Variants in ENTPD1 observed in about 807,000 individuals in gnomAD.
The protein encoded by ENTPD1 is ectonucleoside triphosphate diphosphohydrolase 1.
ENTPD1 carries 33 observed loss-of-function variants against 57.0 expected under a neutral mutation model. The ratio of observed to expected loss-of-function variants is 0.58; its 90% confidence interval spans 0.44 to 0.77. The LOEUF (loss-of-function observed/expected upper bound fraction) is 0.77, where lower values mean the gene tolerates loss of function less well. ENTPD1 is among the 30% of genes least tolerant of loss of function. The pLI is 0.00. For missense variants in ENTPD1, 501 were observed against 603.4 expected (o/e 0.83, Z 1.78); for synonymous variants, 202 against 218.8 (o/e 0.92, Z 0.68).
At chr10:95,805,732 T>C (rs2098269370) in intron 1 of ENTPD1, among the ~76,000 whole-genome samples, 1 of 152,234 alleles carries the variant, frequency 6.6e-6, no homozygotes, top group South Asian at 2.1e-4. Context: ...AAGGATTTTA[T>C]TTCTCCTTCA....
chr10:95,847,536 A>G lies in ENTPD1; in HGVS notation c.904A>G (p.Thr302Ala). Reference protein sequence around the residue: ...NVSDLYKTPCTKRFEMTLPFQ... With the variant: ...NVSDLYKTPCAKRFEMTLPFQ... ...AAGTGACCTTTACAAGACCCCCTGC[A>G]CCAAGAGATTTGAGATGACTCTTCC... The change falls in exon 7 of 10, where the codon ACC becomes GCC. Residue 302 changes from threonine to alanine, a missense_variant. Transcript: ENST00000371205. The G allele has an allele frequency of 6.2e-7, 1 of 1,614,220 alleles. No individual in the cohort carries two copies. The highest frequency in any genetic ancestry group is 1.1e-5 in the South Asian group (1 of 91,076).
intron 1 of ENTPD1, among the ~76,000 whole-genome samples, chr10:95,788,983 T>C (rs1466016676): frequency 6.6e-6 from 1 of 152,110 alleles, no homozygotes; most frequent in Non-Finnish European, 1.5e-5. Flanking sequence ...CGATGAGGCA[T>C]GGAGGAAAAA....
chr10:95,742,902 A>G (rs1189609286), intron 1 of ENTPD1, among the ~76,000 whole-genome samples: 1 of 152,222 alleles, frequency 6.6e-6, no homozygotes, highest in Non-Finnish European at 1.5e-5. Flanking sequence ...AGTTATGAAG[A>G]TAGTACAGAA....
chr10:95,856,984 T>G (rs753027228), intron 7 of ENTPD1, among the ~76,000 whole-genome samples: 12 of 152,086 alleles, frequency 7.9e-5, no homozygotes, highest in Non-Finnish European at 1.6e-4. Context: ...ACTTGTATTA[T>G]TTAAATTCTA....
At chr10:95,749,683 G>A (rs1014640014) in intron 1 of ENTPD1, among the ~76,000 whole-genome samples, 5 of 152,184 alleles carry the variant, frequency 3.3e-5, no homozygotes, top group Non-Finnish European at 7.4e-5. Context: ...AGAAAGAACA[G>A]CATATGCAAA....
the ENTPD1 span, among the ~76,000 whole-genome samples, chr10:95,698,777 C>A: frequency 6.6e-6 from 1 of 152,184 alleles, no homozygotes; most frequent in Admixed American, 6.5e-5. Context: ...TTATAAATTA[C>A]CCATTTTTAG....
At chr10:95,757,351 A>C in intron 1 of ENTPD1, among the ~76,000 whole-genome samples, 1 of 152,172 alleles carries the variant, frequency 6.6e-6, no homozygotes, top group East Asian at 1.9e-4. Context: ...TACTGAGAGG[A>C]TAACTTGCCT....
chr10:95,764,631 T>G (rs1204088486), intron 1 of ENTPD1, among the ~76,000 whole-genome samples: 2 of 152,152 alleles, frequency 1.3e-5, no homozygotes, highest in African/African-American at 4.8e-5. Context: ...ATTTCCCTGA[T>G]GGCTGATGGT....
chr10:95,758,052 C>T (rs1199084137), intron 1 of ENTPD1, among the ~76,000 whole-genome samples: 1 of 144,262 alleles, frequency 6.9e-6, no homozygotes, highest in Non-Finnish European at 1.5e-5. Context: ...GATCTGAAAC[C>T]CTCTGCTTCT....
intron 1 of ENTPD1, among the ~76,000 whole-genome samples, chr10:95,770,244 A>AGT (rs796161611): frequency 1.6e-5 from 2 of 125,730 alleles, no homozygotes; most frequent in East Asian, 2.2e-4. Context: ...AGAGAGAGAG[A>AGT]GTGAGTGAGT....
At chr10:95,744,115 G>T (rs374939218) in intron 1 of ENTPD1, among the ~76,000 whole-genome samples, 2 of 145,016 alleles carry the variant, frequency 1.4e-5, no homozygotes, top group Non-Finnish European at 3.0e-5. Context: ...TGTCTCTAAC[G>T]TTAATCCATT....
chr10:95,755,656 T>C (rs987704463), upstream of ENTPD1: 92 of 1,534,926 alleles, frequency 6.0e-5, no homozygotes, highest in Non-Finnish European at 7.9e-5. Context: ...GGGTCACCTG[T>C]TGCTCTTTGC....
At chr10:95,775,444 C>T (rs1161959135) in intron 1 of ENTPD1, among the ~76,000 whole-genome samples, 2 of 152,156 alleles carry the variant, frequency 1.3e-5, no homozygotes, top group Non-Finnish European at 2.9e-5. Context: ...TTTGCCCATT[C>T]AGTATGATAT....
At chr10:95,802,951 C>T (rs1184847762) in intron 1 of ENTPD1, among the ~76,000 whole-genome samples, 1 of 152,062 alleles carries the variant, frequency 6.6e-6, no homozygotes, top group African/African-American at 2.4e-5. Flanking sequence ...GCTTTATAAT[C>T]CTTTGGGTAT....
intron 1 of ENTPD1, among the ~76,000 whole-genome samples, chr10:95,816,158 T>A (rs529879595): frequency 1.3e-5 from 2 of 152,330 alleles, no homozygotes; most frequent in South Asian, 4.1e-4. Context: ...CACTTTAATG[T>A]TACAGCTGTG....
chr10:95,747,619 G>A (rs974571358), intron 1 of ENTPD1, among the ~76,000 whole-genome samples: 69 of 152,102 alleles, frequency 4.5e-4, no homozygotes, highest in African/African-American at 1.3e-3. Flanking sequence ...TCACTGTTGG[G>A]TTTATGGAGT....
At position 95,871,752 on chromosome 10, in the gene ENTPD1, A is replaced by G; in HGVS notation, c.*5369A>G. 1 of 985,436 alleles carries G rather than the reference A, an allele frequency of 1.0e-6. No homozygotes were observed. The highest frequency in any genetic ancestry group is 1.2e-6 in the Non-Finnish European group (1 of 829,906). 61.0% of individuals were successfully genotyped at this position (985,436 alleles called of 1,614,324 possible). On this transcript the variant is annotated 3_prime_UTR_variant, in exon 10 of 10. Transcript: ENST00000371205. ...AGTGATGATGATCACCCTCATCAGC[A>G]CTAGAGTTGACTTGTTTTTATAACC...
At chr10:95,839,849 C>T (rs780745728) in intron 3 of ENTPD1, 41 bp downstream of exon 3, 107 of 1,580,030 alleles carry the variant, frequency 6.8e-5, no homozygotes, top group Non-Finnish European at 8.7e-5. Flanking sequence ...AACAGTGGGG[C>T]ATGAGAACAT....
Position 95,756,198 on chromosome 10 carries a change from GGGAAAGACGA to G in ENTPD1, c.-34_-25del, listed in dbSNP as rs754032782. On this transcript the variant is annotated 5_prime_UTR_variant, in exon 1 of 10. Coordinates refer to ENST00000371205, the MANE Select transcript of ENTPD1 (RefSeq NM_001776.6). ...ACCACAGCAAGCAGAGGCTGGGGGGGGGAAAGACGAGGAAAGAGGAGGAAAACAAAAGCTG... is the reference window on the plus strand; with the variant it reads ...ACCACAGCAAGCAGAGGCTGGGGGGGGGAAAGAGGAGGAAAACAAAAGCTG... 1.3e-6 allele frequency: 2 copies of G among 1,581,510 alleles called. No individual in the cohort carries two copies. The highest frequency in any genetic ancestry group is 1.2e-5 in the South Asian group (1 of 86,830).
Sources: gnomAD v4.1 joint callset for allele counts (sites outside exome capture counted in the v4.1 genomes callset) on GRCh38, gnomAD v4.1.1 for gene constraint, MANE v1.5 for transcripts, NCBI Gene and HGNC (gene_info 2026-07-23, HGNC 2026-07-21) for gene names.